Variants in DHH observed in about 807,000 individuals in gnomAD.
DHH encodes the protein desert hedgehog signaling molecule.
A neutral mutation model predicts 27.6 loss-of-function variants in DHH; 16 were observed. The ratio of observed to expected loss-of-function variants is 0.58; its 90% CI spans 0.39 to 0.88. The LOEUF is 0.88. DHH is among the 40% of genes least tolerant of loss of function. The pLI is 0.00. For synonymous variants in DHH, 289 were observed against 263.4 expected (o/e 1.10, Z -0.94); for missense variants, 436 against 563.1 (o/e 0.77, Z 2.28).
Position 49,090,360 on chromosome 12 carries a change from C to T in DHH, c.690G>A (p.Ala230=). The part of the protein sequence containing the change: ...HRGDWVLAAD[A]SGRVVPTPVL... ...CCGGCGTGGGCACCACCCGGCCTGA[C>T]GCATCGGCCGCCAAAACCCAGTCTC... The change falls in exon 3 of 3, where the codon GCG becomes GCA. Residue 230 remains alanine, a synonymous_variant. Coordinates refer to ENST00000649637, the MANE Select transcript of DHH (RefSeq NM_021044.4). This position sits in a 1 kb window ranked among gnomAD's most constrained non-coding sequence, Gnocchi z 5.2. The T allele has an allele frequency of 6.2e-7, 1 of 1,608,924 alleles. No individual in the cohort carries two copies. Among genetic ancestry groups the T allele is most frequent in the South Asian group, 1.1e-5 (1 of 90,260 alleles).
In DHH at chr12:49,090,667, C is replaced by CTATGTATGTATG. The variant is rs35343506; in HGVS notation, c.566-195_566-184dup. On this transcript the variant is annotated intron_variant, in intron 2 of 2. Coordinates refer to ENST00000649637, the MANE Select transcript of DHH (RefSeq NM_021044.4). The surrounding 1 kb of genome is among the most constrained non-coding windows in gnomAD (Gnocchi z 5.2). ...TTTCTTTTCCTTTTTCTTCTCTTTT[C>CTATGTATGTATG]TATGTATGTATGTATGTATGTATGT... is the stretch of plus-strand genomic sequence containing the variant. Among the ~76,000 whole-genome samples the CTATGTATGTATG allele has an allele frequency of 2.5e-4, 37 of 145,674 alleles. No individual in the cohort carries two copies. The highest frequency in any genetic ancestry group is 4.2e-4 in the East Asian group (2 of 4,804).
Position 49,087,268 on chromosome 12 carries a change from G to A in DHH, c.*2591C>T, listed in dbSNP as rs1939224731. On this transcript the variant is annotated 3_prime_UTR_variant, in exon 3 of 3. Transcript: ENST00000649637. The stretch of plus-strand genomic sequence containing the variant: ...AAAGGGAGGAAGTGAGGGTTGAGAG[G>A]TAAGCCTCAAGCCTAGAAAGTTACT... Among the ~76,000 whole-genome samples the A allele has an allele frequency of 6.6e-6, 1 of 151,978 alleles. No homozygotes were observed. The highest frequency in any genetic ancestry group is 2.1e-4 in the South Asian group (1 of 4,830).
In DHH at chr12:49,091,451, T is replaced by TATCC. The variant is rs1939302620; in HGVS notation, c.304-63_304-62insGGAT. ...ACCCTTGGGGCAAAAGGGACCTGGA[T>TATCC]AGGAGGGTTGATTCTTTGTTATTCC... On this transcript the variant is annotated intron_variant, in intron 1 of 2. Coordinates refer to ENST00000649637, the MANE Select transcript of DHH (RefSeq NM_021044.4). This position sits in a 1 kb window ranked among gnomAD's most constrained non-coding sequence, Gnocchi z 4.8. 24 of 1,600,018 alleles carry TATCC rather than the reference T, an allele frequency of 1.5e-5. No homozygotes were observed. Among genetic ancestry groups the TATCC allele is most frequent in the Non-Finnish European group, 1.9e-5 (22 of 1,174,940 alleles).
At position 49,089,681 on chromosome 12, in the gene DHH, A is replaced by T; in HGVS notation, c.*178T>A. On this transcript the variant is annotated 3_prime_UTR_variant, in exon 3 of 3. Transcript: ENST00000649637. ...GCACCATCAGCCCTACCTACCTAGGACCCGGTATCACCTCCTCTCAGTACG... is the reference window on the plus strand; with the variant it reads ...GCACCATCAGCCCTACCTACCTAGGTCCCGGTATCACCTCCTCTCAGTACG... 1.3e-6 allele frequency: 1 copy of T among 743,042 alleles called. No individual in the cohort carries two copies. Among genetic ancestry groups the T allele is most frequent in the Non-Finnish European group, 2.0e-6 (1 of 499,160 alleles). The allele number at this position is 743,042 out of a possible 1,614,324, so 46.0% of individuals were successfully genotyped here. A position where few individuals can be genotyped will look rare whatever the true frequency, so the allele number is the denominator to read the frequency against.
rs866249271 is a variant in DHH at position 49,089,476 on chromosome 12, G to A, written c.*383C>T. On this transcript the variant is annotated 3_prime_UTR_variant, in exon 3 of 3. Transcript: ENST00000649637. ...TTATTAGCCCACCTTGCAGGAAAAC[G>A]TCAGATGTCAGACTGGCTGGCTGTG... The A allele has an allele frequency of 5.7e-6, 1 of 174,120 alleles. No individual in the cohort carries two copies. Among genetic ancestry groups the A allele is most frequent in the Non-Finnish European group, 1.2e-5 (1 of 83,042 alleles). The allele number at this position is 174,120 out of a possible 1,614,324, so 10.8% of individuals were successfully genotyped here.
intron 1 of DHH, among the ~76,000 whole-genome samples, chr12:49,093,516 G>A (rs986244496): frequency 6.6e-6 from 1 of 152,180 alleles, no homozygotes; most frequent in Non-Finnish European, 1.5e-5. Flanking sequence ...GAAAGCCCCT[G>A]AGATAGGCAG....
chr12:49,089,581 TAAG>T lies in DHH; in HGVS notation c.*275_*277del. 2.9e-6 allele frequency: 1 copy of T among 343,752 alleles called. No individual in the cohort carries two copies. The highest frequency in any genetic ancestry group is 5.2e-6 in the Non-Finnish European group (1 of 192,118). The allele number at this position is 343,752 out of a possible 1,614,324, so 21.3% of individuals were successfully genotyped here. A position where few individuals can be genotyped will look rare whatever the true frequency, so the allele number is the denominator to read the frequency against. ...GAATCATTATATTACAATTTATAAA[TAAG>T]AAATAAAATAAAATTATCGGGTGGG... On this transcript the variant is annotated 3_prime_UTR_variant, in exon 3 of 3. Coordinates refer to ENST00000649637, the MANE Select transcript of DHH (RefSeq NM_021044.4).
rs757107144 is a variant in DHH, at chr12:49,090,456, G to A, written c.594C>T (p.Gly198=). 6.2e-7 allele frequency: 1 copy of A among 1,605,278 alleles called. No individual in the cohort carries two copies. The change falls in exon 3 of 3, where the codon GGC becomes GGT. Residue 198 remains glycine, a synonymous_variant. Coordinates refer to ENST00000649637, the MANE Select transcript of DHH (RefSeq NM_021044.4). This position sits in a 1 kb window ranked among gnomAD's most constrained non-coding sequence, Gnocchi z 5.2. ...GCACAGTTGCATTTCCCGGAAAGCA[G>A]CCGCCCGCCCGGACCGCCAGTGAGT... ...ADNSLAVRAG[G]CFPGNATVRL...
At chr12:49,093,934 C>T (rs1286913272) in intron 1 of DHH, among the ~76,000 whole-genome samples, 2 of 152,332 alleles carry the variant, frequency 1.3e-5, no homozygotes, top group African/African-American at 4.8e-5. Context: ...TCTCGCCTGC[C>T]GCCATCCTCC....
rs1939233401 is a variant in DHH, at chr12:49,087,877, A to G, written c.*1982T>C. Reference sequence around the variant, plus strand: ...AAAAGAGACAAGGGCAGGTTTAGAAAGTAGGAAAGGTCCACAGCTTGGGAT... The same window carrying G: ...AAAAGAGACAAGGGCAGGTTTAGAAGGTAGGAAAGGTCCACAGCTTGGGAT... On this transcript the variant is annotated 3_prime_UTR_variant, in exon 3 of 3. Coordinates refer to ENST00000649637, the MANE Select transcript of DHH (RefSeq NM_021044.4). 6.6e-6 allele frequency among the ~76,000 whole-genome samples: 1 copy of G among 152,184 alleles called. No individual in the cohort carries two copies. The highest frequency in any genetic ancestry group is 1.5e-5 in the Non-Finnish European group (1 of 68,026).
rs1939305175 is a variant in DHH, at chr12:49,091,610, G to A, written c.304-221C>T. On this transcript the variant is annotated intron_variant, in intron 1 of 2. Transcript: ENST00000649637. The surrounding 1 kb of genome is among the most constrained non-coding windows in gnomAD (Gnocchi z 4.8). Reference sequence around the variant, plus strand: ...GTGGGCTCACCTCTGAGGTTGAGAGGGGGTGCCCATACCTAGCTCCTTCCC... The same window carrying A: ...GTGGGCTCACCTCTGAGGTTGAGAGAGGGTGCCCATACCTAGCTCCTTCCC... Among the ~76,000 whole-genome samples, 1 of 152,152 alleles carries A rather than the reference G, an allele frequency of 6.6e-6. No individual in the cohort carries two copies. Among genetic ancestry groups the A allele is most frequent in the Non-Finnish European group, 1.5e-5 (1 of 68,040 alleles).
rs1396571985 is a variant in DHH, at chr12:49,094,584, A to G, written c.-72T>C. The G allele has an allele frequency of 2.0e-6, 3 of 1,482,978 alleles. No individual in the cohort carries two copies. Among genetic ancestry groups the G allele is most frequent in the Non-Finnish European group, 2.8e-6 (3 of 1,086,910 alleles). 91.9% of individuals were successfully genotyped at this position (1,482,978 alleles called of 1,614,324 possible). A position where few individuals can be genotyped will look rare whatever the true frequency, so the allele number is the denominator to read the frequency against. On this transcript the variant is annotated 5_prime_UTR_variant, in exon 1 of 3. Transcript: ENST00000649637. Reference sequence around the variant, plus strand: ...ACTCTCCTGTCAGTTAGGCATCTCCACAGGCACCAGAGAGGGCAGCAGGCA... The same window carrying G: ...ACTCTCCTGTCAGTTAGGCATCTCCGCAGGCACCAGAGAGGGCAGCAGGCA...
Position 49,087,163 on chromosome 12 carries a change from G to A in DHH, c.*2696C>T, listed in dbSNP as rs1166632816. ...TGCCCACCTGCTGCACCAAGATGGT[G>A]CGCATTGCCGCTTGAAGGCAAGTCA... On this transcript the variant is annotated 3_prime_UTR_variant, in exon 3 of 3. Coordinates refer to ENST00000649637, the MANE Select transcript of DHH (RefSeq NM_021044.4). Among the ~76,000 whole-genome samples, 4 of 151,778 alleles carry A rather than the reference G, an allele frequency of 2.6e-5. No homozygotes were observed. The highest frequency in any genetic ancestry group is 5.9e-5 in the Non-Finnish European group (4 of 68,000).
Position 49,087,192 on chromosome 12 carries a change from A to AT in DHH, c.*2666dup, listed in dbSNP as rs57658147. ...ATTGCCGCTTGAAGGCAAGTCATGGATTTTTTTTTTTTTTGAGAGTTAGGA... is the reference window on the plus strand; with the variant it reads ...ATTGCCGCTTGAAGGCAAGTCATGGATTTTTTTTTTTTTTTGAGAGTTAGGA... On this transcript the variant is annotated 3_prime_UTR_variant, in exon 3 of 3. Transcript: ENST00000649637. 0.017 allele frequency among the ~76,000 whole-genome samples: 2,508 copies of AT among 146,258 alleles called. 49 individuals carry two copies. Among genetic ancestry groups the AT allele is most frequent in the African/African-American group, 0.05 (2,005 of 39,962 alleles).
Position 49,090,285 on chromosome 12 carries a change from A to C in DHH, c.765T>G (p.Ala255=). 2 of 1,583,322 alleles carry C rather than the reference A, an allele frequency of 1.3e-6. No individual in the cohort carries two copies. The highest frequency in any genetic ancestry group is 1.7e-6 in the Non-Finnish European group (2 of 1,165,586). Residue 255 remains alanine (A), a synonymous_variant, in exon 3 of 3, where the codon GCT becomes GCG. Transcript: ENST00000649637. The surrounding 1 kb of genome is among the most constrained non-coding windows in gnomAD (Gnocchi z 5.2). The stretch of plus-strand genomic sequence containing the variant: ...TGCGTGGAGGCCACTCGGTCTCCAC[A>C]GCCACAAATGAAGCCCGGCGCTGCA... ...RDLQRRASFV[A]VETEWPPRKL...
chr12:49,093,023 C>T (rs1939332699), intron 1 of DHH: 1 of 152,200 alleles, frequency 6.6e-6, no homozygotes, highest in South Asian at 2.1e-4. Context: ...GTACCCCTCC[C>T]TCTCCCCCCA....
chr12:49,091,429 C>A lies in DHH; in HGVS notation c.304-40G>T, dbSNP rs1939302155. The A allele has an allele frequency of 1.2e-6, 2 of 1,611,180 alleles. No homozygotes were observed. The highest frequency in any genetic ancestry group is 1.3e-5 in the African/African-American group (1 of 74,886). ...AGGAGTCAGTCTCCCCACCACCACC[C>A]TTGGGGCAAAAGGGACCTGGATAGG... is the stretch of plus-strand genomic sequence containing the variant. On this transcript the variant is annotated intron_variant, in intron 1 of 2. Transcript: ENST00000649637. This position sits in a 1 kb window ranked among gnomAD's most constrained non-coding sequence, Gnocchi z 4.8.
Position 49,089,973 on chromosome 12 carries a change from G to C in DHH, c.1077C>G (p.Pro359=). 5 of 1,572,818 alleles carry C rather than the reference G, an allele frequency of 3.2e-6. No individual in the cohort carries two copies. Among genetic ancestry groups the C allele is most frequent in the Non-Finnish European group, 4.3e-6 (5 of 1,160,164 alleles). Residue 359 remains proline, a synonymous_variant, in exon 3 of 3, where the codon CCC becomes CCG. Transcript: ENST00000649637. ...SHQWAHRAFA[P]LRLLHALGAL... ...CCCCTAGCGCGTGCAGCAGTCTCAAGGGGGCAAAAGCGCGGTGCGCCCACT... is the reference window on the plus strand; with the variant it reads ...CCCCTAGCGCGTGCAGCAGTCTCAACGGGGCAAAAGCGCGGTGCGCCCACT...
intron 1 of DHH, chr12:49,092,865 G>C (rs1315732472): frequency 2.0e-5 from 3 of 152,306 alleles, no homozygotes; most frequent in African/African-American, 7.2e-5. Flanking sequence ...ATGTTCCACG[G>C]CCAAGGAGGA....
Sources: allele counts gnomAD v4.1 joint callset (sites outside exome capture counted in the v4.1 genomes callset), GRCh38; gene constraint gnomAD v4.1.1; non-coding constraint Gnocchi (gnomAD v3.1); transcripts MANE v1.5; gene names NCBI Gene and HGNC (gene_info 2026-07-23, HGNC 2026-07-21).